PATJ: variants seen among roughly 807,000 people sequenced by gnomAD.
PATJ encodes the protein inaD-like protein.
A neutral mutation model predicts 224.9 loss-of-function variants in PATJ; 190 were observed. The observed-to-expected ratio is 0.84, with a 90% confidence interval of 0.75 to 0.95. PATJ has a LOEUF of 0.95. Ranked by LOEUF, PATJ falls within the 40% of genes least tolerant of loss-of-function variation. PATJ has a pLI of 0.00. For missense variants in PATJ, 2,121 were observed against 2,270.3 expected, an observed-to-expected ratio of 0.93 and a Z score of 1.34; for synonymous variants, 769 against 820.3, an observed-to-expected ratio of 0.94 and a Z score of 1.07.
At chr1:62,109,739 T>C (rs942722521) in intron 34 of PATJ, among the ~76,000 whole-genome samples, 7 of 152,238 alleles carry the variant, frequency 4.6e-5, no homozygotes, top group African/African-American at 7.2e-5. Flanking sequence ...TTGATACTTA[T>C]ATGATTTCTA....
intron 24 of PATJ, 142 bp from the exon 25 acceptor site, chr1:61,908,230 G>T (rs1431821830): frequency 1.7e-6 from 1 of 586,454 alleles, no homozygotes; most frequent in Non-Finnish European, 3.0e-6. Context: ...AGCTTTTTAT[G>T]GGCCAATCTT....
At chr1:62,016,633 A>G (rs1460044507) in intron 28 of PATJ, among the ~76,000 whole-genome samples, 1 of 152,214 alleles carries the variant, frequency 6.6e-6, no homozygotes, top group Non-Finnish European at 1.5e-5. Context: ...TCAGGAATAA[A>G]GAAATTTAGA....
chr1:61,828,076 G>A (rs1570746856), intron 16 of PATJ, among the ~76,000 whole-genome samples: 1 of 151,966 alleles, frequency 6.6e-6, no homozygotes, highest in Non-Finnish European at 1.5e-5. Flanking sequence ...GAGAAACCCT[G>A]TCTCAAAGTA....
chr1:61,968,827 T>C (rs1682541165), intron 27 of PATJ, among the ~76,000 whole-genome samples: 1 of 152,156 alleles, frequency 6.6e-6, no homozygotes, highest in South Asian at 2.1e-4. Context: ...TGAAATTCTA[T>C]ACCTATTAAA....
intron 17 of PATJ, among the ~76,000 whole-genome samples, chr1:61,839,376 T>G (rs1046886366): frequency 1.3e-5 from 2 of 152,180 alleles, no homozygotes; most frequent in Non-Finnish European, 2.9e-5. Flanking sequence ...TGTGCTCATA[T>G]GCATTGTGTA....
chr1:61,880,770 G>A (rs1418947335), intron 21 of PATJ, among the ~76,000 whole-genome samples: 1 of 152,090 alleles, frequency 6.6e-6, no homozygotes, highest in African/African-American at 2.4e-5. Flanking sequence ...TTTCTTCCAA[G>A]AACACAGTGT....
chr1:61,748,491 A>G (rs1439246075), intron 1 of PATJ, among the ~76,000 whole-genome samples: 5 of 146,948 alleles, frequency 3.4e-5, no homozygotes, highest in African/African-American at 1.3e-4. Context: ...CCTGACCTCA[A>G]GTGATACGCC....
rs190883602 is a variant in PATJ at position 62,149,882 on chromosome 1, A to C, written c.5378+1492A>C. 5.9e-5 allele frequency among the ~76,000 whole-genome samples: 9 copies of C among 151,940 alleles called. No individual in the cohort carries two copies. The East Asian group carries it at 1.5e-3, about 26-fold the overall frequency. On this transcript the variant is annotated intron_variant, in intron 42 of 43. Transcript: ENST00000642238. ...GTTGAAAATGTTATGATATTGTGAG[A>C]TCAATAGAGGCAAATTCCATCTGAT...
In PATJ at chr1:61,771,512, A is replaced by C. The variant is rs768816628; in HGVS notation, c.606A>C (p.Ala202=). 6.2e-7 allele frequency: 1 copy of C among 1,613,092 alleles called. No homozygotes were observed. Among genetic ancestry groups the C allele is most frequent in the East Asian group, 2.2e-5 (1 of 44,782 alleles). The change falls in exon 6 of 44, where the codon GCA becomes GCC. Residue 202 remains alanine (A), a synonymous_variant. Coordinates refer to ENST00000642238, the MANE Select transcript of PATJ (RefSeq NM_001350145.3). ...ATCAGAACATTTCCCATCAGCAAGC[A>C]ATTGCATTATTACAACAAACCACTG... ...PLDQNISHQQ[A]IALLQQTTGS...
chr1:61,754,788 C>A (rs1482510039), intron 1 of PATJ, among the ~76,000 whole-genome samples: 3 of 152,040 alleles, frequency 2.0e-5, no homozygotes, highest in African/African-American at 7.2e-5. Flanking sequence ...ACCTGAGTTT[C>A]ATGATGAGCA....
At chr1:62,050,167 T>C (rs1468055379) in intron 30 of PATJ, among the ~76,000 whole-genome samples, 1 of 147,868 alleles carries the variant, frequency 6.8e-6, no homozygotes, top group Non-Finnish European at 1.5e-5. Context: ...AAGAAACATT[T>C]TTTATTAAAT....
intron 43 of PATJ, among the ~76,000 whole-genome samples, chr1:62,155,763 A>C (rs1006931599): frequency 1.3e-5 from 2 of 151,794 alleles, no homozygotes; most frequent in African/African-American, 4.8e-5. Context: ...AGTCTTACTA[A>C]AAGAATATTC....
rs562878150 is a variant in PATJ at position 61,807,176 on chromosome 1, A to C, written c.1627-1298A>C. Among the ~76,000 whole-genome samples, 5 of 152,190 alleles carry C rather than the reference A, an allele frequency of 3.3e-5. No individual in the cohort carries two copies. The South Asian group carries it at 8.3e-4, about 25-fold the overall frequency. The stretch of plus-strand genomic sequence containing the variant: ...AAAACAAAACAAAACAAAACAAAAA[A>C]CAAAAAAACATTTTTTTGAGAGACA... On this transcript the variant is annotated intron_variant, in intron 13 of 43. Coordinates refer to ENST00000642238, the MANE Select transcript of PATJ (RefSeq NM_001350145.3).
At chr1:61,793,722 C>CAA (rs34149615) in intron 9 of PATJ, among the ~76,000 whole-genome samples, 82 of 73,714 alleles carry the variant, frequency 1.1e-3, no homozygotes, top group African/African-American at 2.8e-3. Context: ...GATCCTGTTT[C>CAA]AAAAAAAAAA....
At chr1:62,070,903 G>A (rs1002987307) in intron 31 of PATJ, among the ~76,000 whole-genome samples, 1 of 152,152 alleles carries the variant, frequency 6.6e-6, no homozygotes, top group African/African-American at 2.4e-5. Context: ...GGGGAATTAA[G>A]GACATAGGAT....
chr1:62,038,980 GC>G, intron 30 of PATJ: 1 of 1,372,486 alleles, frequency 7.3e-7, no homozygotes, highest in Non-Finnish European at 1.0e-6. Flanking sequence ...ATCTGTTCTA[GC>G]CCAACAAGCA....
intron 31 of PATJ, among the ~76,000 whole-genome samples, chr1:62,059,042 A>T (rs1051320382): frequency 1.3e-5 from 2 of 152,214 alleles, no homozygotes; most frequent in Non-Finnish European, 2.9e-5. Context: ...AGTTTATCTC[A>T]GTACCTGCCT....
intron 25 of PATJ, among the ~76,000 whole-genome samples, chr1:61,910,261 C>T (rs886491107): frequency 3.4e-4 from 52 of 152,314 alleles, no homozygotes; most frequent in African/African-American, 1.1e-3. Flanking sequence ...TCAATCCAAC[C>T]TTTGCTAGTG....
In PATJ at chr1:61,827,439, T is replaced by C; in HGVS notation, c.1836T>C (p.Leu612=). 1 of 1,613,982 alleles carries C rather than the reference T, an allele frequency of 6.2e-7. No homozygotes were observed. Among genetic ancestry groups the C allele is most frequent in the Non-Finnish European group, 8.5e-7 (1 of 1,179,950 alleles). Residue 612 remains leucine, a synonymous_variant, in exon 16 of 44, where the codon CTT becomes CTC. Coordinates refer to ENST00000642238, the MANE Select transcript of PATJ (RefSeq NM_001350145.3). ...CTTCCTAGGTCAATGGCATGCAGCT[T>C]TATGGAAAATCTCGCCGAGAAGCAG... is the stretch of plus-strand genomic sequence containing the variant. The part of the protein sequence containing the change: ...DELLEVNGMQ[L]YGKSRREAVS...
Sources: allele counts gnomAD v4.1 joint callset (sites outside exome capture counted in the v4.1 genomes callset), GRCh38; gene constraint gnomAD v4.1.1; transcripts MANE v1.5; gene names NCBI Gene and HGNC (gene_info 2026-07-23, HGNC 2026-07-21).